Variants in SHANK2 observed in about 807,000 individuals in gnomAD.
SHANK2 encodes SH3 and multiple ankyrin repeat domains protein 2.
SHANK2 carries 43 observed loss-of-function variants against 133.7 expected under a neutral mutation model. The observed-to-expected ratio is 0.32, with a 90% confidence interval of 0.25 to 0.41. The LOEUF (loss-of-function observed/expected upper bound fraction) is 0.41, where lower values mean the gene tolerates loss of function less well. Ranked by LOEUF, SHANK2 falls within the 10% of genes least tolerant of loss-of-function variation. The pLI is 1.00. For missense variants in SHANK2, 1,994 were observed against 2,235.8 expected (o/e 0.89, Z 2.18); for synonymous variants, 1,017 against 952.8 (o/e 1.07, Z -1.24).
At position 71,062,994 on chromosome 11, in the gene SHANK2, CT is replaced by C. The variant is rs1394289040; in HGVS notation, c.1030-6437del. On this transcript the variant is annotated intron_variant, in intron 9 of 25. Coordinates refer to ENST00000601538, the MANE Select transcript of SHANK2 (RefSeq NM_012309.5). ...CCTGGGTGACACAGCAAGACCCTGT[CT>C]CAAAAAAAAAAAAAAAAAAAAAGAT... Among the ~76,000 whole-genome samples, 5 of 50,608 alleles carry C rather than the reference CT, an allele frequency of 9.9e-5. No homozygotes were observed. In the South Asian group the frequency reaches 3.2e-3, roughly 32 times the overall value. 33.2% of individuals were successfully genotyped at this position (50,608 alleles called of 152,430 possible). A position where few individuals can be genotyped will look rare whatever the true frequency, so the allele number is the denominator to read the frequency against.
intron 10 of SHANK2, among the ~76,000 whole-genome samples, chr11:70,909,355 C>A (rs1316787868): frequency 6.6e-6 from 1 of 152,142 alleles, no homozygotes; most frequent in Admixed American, 6.5e-5. Context: ...GAGGCTGAGT[C>A]TAGTGAGAAG....
intron 9 of SHANK2, among the ~76,000 whole-genome samples, chr11:71,071,809 C>T (rs1035923181): frequency 1.3e-5 from 2 of 152,080 alleles, no homozygotes; most frequent in Non-Finnish European, 1.5e-5. Context: ...GATTCCACCC[C>T]GGAGGCCACC....
rs955777455 is a variant in SHANK2 at position 71,175,473 on chromosome 11, G to T, written c.-12-28135C>A. On this transcript the variant is annotated intron_variant, in intron 2 of 25. Transcript: ENST00000601538. The surrounding 1 kb of genome is among the most constrained non-coding windows in gnomAD (Gnocchi z 4.2). ...AGAGGAGGGGGAGAAATAGACCAAG[G>T]CTGGTGAAAGAGAAGTGGGGACAAA... Among the ~76,000 whole-genome samples the T allele has an allele frequency of 6.6e-6, 1 of 150,716 alleles. No individual in the cohort carries two copies. The highest frequency in any genetic ancestry group is 1.5e-5 in the Non-Finnish European group (1 of 67,756).
Position 70,487,359 on chromosome 11 carries a change from G to T in SHANK2, c.2934C>A (p.Arg978=), listed in dbSNP as rs1555154397. 6.2e-7 allele frequency: 1 copy of T among 1,614,108 alleles called. No individual in the cohort carries two copies. The highest frequency in any genetic ancestry group is 8.5e-7 in the Non-Finnish European group (1 of 1,180,034). ...SRNAGPQANF[R]NKRGQMPENP... ...TTTCTGGCATCTGGCCTCTCTTGTT[G>T]CGGAAGTTGGCTTGCGGGCCGGCAT... The change falls in exon 25 of 26, where the codon CGC becomes CGA. Residue 978 remains arginine, a synonymous_variant. Coordinates refer to ENST00000601538, the MANE Select transcript of SHANK2 (RefSeq NM_012309.5). The surrounding 1 kb of genome is among the most constrained non-coding windows in gnomAD (Gnocchi z 5.8).
At chr11:71,195,109 C>A (rs1953874292) in intron 2 of SHANK2, among the ~76,000 whole-genome samples, 1 of 152,170 alleles carries the variant, frequency 6.6e-6, no homozygotes, top group African/African-American at 2.4e-5. Context: ...AAGTGCCTAA[C>A]TGGCCAGGTG....
intron 17 of SHANK2, among the ~76,000 whole-genome samples, chr11:70,573,754 C>A (rs1191597862): frequency 6.6e-6 from 1 of 152,186 alleles, no homozygotes; most frequent in Non-Finnish European, 1.5e-5. Flanking sequence ...ATGCCCCAAG[C>A]CCCCAACCCC....
At chr11:71,071,538 T>C (rs1951141345) in intron 9 of SHANK2, among the ~76,000 whole-genome samples, 2 of 152,236 alleles carry the variant, frequency 1.3e-5, no homozygotes, top group Non-Finnish European at 2.9e-5. Context: ...CCTGGACATT[T>C]TGCCCTGGCT....
At chr11:70,523,080 G>C (rs1591533598) in intron 17 of SHANK2, among the ~76,000 whole-genome samples, 2 of 152,316 alleles carry the variant, frequency 1.3e-5, no homozygotes, top group African/African-American at 4.8e-5. Context: ...TGCTGGTGTG[G>C]GTGTGGAGGG....
At chr11:70,826,766 C>T (rs1555057297) in intron 11 of SHANK2, 2 of 300,660 alleles carry the variant, frequency 6.7e-6, no homozygotes, top group East Asian at 1.7e-4. Flanking sequence ...CTACCTCTCG[C>T]GGCGCGCGTC....
At chr11:70,518,105 G>A (rs2059287525) in intron 17 of SHANK2, among the ~76,000 whole-genome samples, 1 of 152,186 alleles carries the variant, frequency 6.6e-6, no homozygotes. Flanking sequence ...AGAGAGATGA[G>A]TACCCTGAGC....
chr11:71,120,633 C>A (rs1952065732), intron 3 of SHANK2, among the ~76,000 whole-genome samples: 1 of 152,184 alleles, frequency 6.6e-6, no homozygotes, highest in African/African-American at 2.4e-5. Context: ...TCAAAGCTCC[C>A]CACAGGGCTG....
At chr11:70,907,147 C>T (rs1160930853) in intron 10 of SHANK2, among the ~76,000 whole-genome samples, 2 of 152,190 alleles carry the variant, frequency 1.3e-5, no homozygotes, top group African/African-American at 4.8e-5. Flanking sequence ...GACTGGGAAG[C>T]TATTGTAGGA....
At chr11:70,599,955 G>GAA (rs1396403616) in intron 17 of SHANK2, among the ~76,000 whole-genome samples, 1 of 131,766 alleles carries the variant, frequency 7.6e-6, no homozygotes, top group Admixed American at 7.1e-5. Flanking sequence ...AAGAAAGAAA[G>GAA]AAAGAAAGAA....
intron 3 of SHANK2, among the ~76,000 whole-genome samples, chr11:71,126,383 CA>C (rs1330370151): frequency 6.6e-6 from 1 of 152,118 alleles, no homozygotes; most frequent in Admixed American, 6.5e-5. Flanking sequence ...GATTCTTTTC[CA>C]AATATTGCTG....
At chr11:71,071,070 G>A (rs1951135563) in intron 9 of SHANK2, among the ~76,000 whole-genome samples, 1 of 152,062 alleles carries the variant, frequency 6.6e-6, no homozygotes, top group African/African-American at 2.4e-5. Context: ...ATTATTTCAA[G>A]TGACAAAAAA....
intron 17 of SHANK2, among the ~76,000 whole-genome samples, chr11:70,580,731 C>T (rs556900658): frequency 1.3e-5 from 2 of 152,358 alleles, no homozygotes; most frequent in South Asian, 4.1e-4. Flanking sequence ...CCAGCCAGAG[C>T]CAGGGCTGGG....
At chr11:70,910,150 C>T (rs535621244) in intron 10 of SHANK2, among the ~76,000 whole-genome samples, 1 of 152,322 alleles carries the variant, frequency 6.6e-6, no homozygotes, top group Admixed American at 6.5e-5. Context: ...TTAATTACCT[C>T]TTCAAAGGTC....
intron 9 of SHANK2, among the ~76,000 whole-genome samples, chr11:71,068,588 T>C (rs1436950321): frequency 1.3e-5 from 2 of 152,234 alleles, no homozygotes; most frequent in Non-Finnish European, 2.9e-5. Flanking sequence ...GAGGGCAGAA[T>C]GGAAAGAGAC....
intron 17 of SHANK2, among the ~76,000 whole-genome samples, chr11:70,560,496 T>G (rs982645370): frequency 5.9e-5 from 7 of 118,868 alleles, no homozygotes; most frequent in East Asian, 4.7e-4. Context: ...TTTTTTTTTT[T>G]TTTTTTTTTT....
Sources: gnomAD v4.1 joint callset for allele counts (sites outside exome capture counted in the v4.1 genomes callset) on GRCh38, gnomAD v4.1.1 for gene constraint, Gnocchi (gnomAD v3.1) non-coding constraint, MANE v1.5 for transcripts, NCBI Gene and HGNC (gene_info 2026-07-23, HGNC 2026-07-21) for gene names.